Variants in GRIK1 observed in about 807,000 individuals in gnomAD.
The protein encoded by GRIK1 is glutamate receptor ionotropic, kainate 1.
In GRIK1, 69 loss-of-function variants were observed where a neutral mutation model predicts 105.7. That is an observed-to-expected ratio of 0.65 (90% CI 0.54 to 0.80). The LOEUF is 0.80. GRIK1 is among the 30% of genes least tolerant of loss of function. The probability of loss-of-function intolerance (pLI) is 0.00; values close to 1 mark genes in which losing one functional copy is unlikely to be tolerated. For missense variants in GRIK1, 1,109 were observed against 1,167.3 expected (o/e 0.95, Z 0.73); for synonymous variants, 438 against 431.3 (o/e 1.02, Z -0.19).
At chr21:29,776,149 T>A (rs984768543) in intron 1 of GRIK1, among the ~76,000 whole-genome samples, 2 of 152,222 alleles carry the variant, frequency 1.3e-5, no homozygotes, top group African/African-American at 4.8e-5. Context: ...ATTGCCTCAA[T>A]GATTCAATTA....
chr21:29,761,445 G>A (rs139964034), intron 1 of GRIK1: 4 of 152,190 alleles, frequency 2.6e-5, no homozygotes, highest in African/African-American at 9.6e-5. Flanking sequence ...CTGCCATTTA[G>A]CTTAAGTAGA....
chr21:29,754,405 C>T (rs1243741853), intron 1 of GRIK1, among the ~76,000 whole-genome samples: 1 of 152,164 alleles, frequency 6.6e-6, no homozygotes, highest in East Asian at 1.9e-4. Context: ...ATAGAAAATG[C>T]ATGTAAAACA....
At chr21:29,900,352 G>A (rs189849326) in intron 1 of GRIK1, among the ~76,000 whole-genome samples, 83 of 151,142 alleles carry the variant, frequency 5.5e-4, no homozygotes, top group African/African-American at 1.8e-3. Context: ...TGGATAAACA[G>A]TCAAGACCCA....
intron 1 of GRIK1, among the ~76,000 whole-genome samples, chr21:29,710,443 C>G (rs1243601577): frequency 1.3e-5 from 2 of 151,936 alleles, no homozygotes; most frequent in Non-Finnish European, 2.9e-5. Context: ...TTCCATTCAG[C>G]TTAAAAAAAC....
chr21:29,581,544 C>T lies in GRIK1; in HGVS notation c.1794-1G>A. Reference sequence around the variant, plus strand: ...GTTATACCACTCGTAGGGTGTAAACCTGTGGTAGTTAACAGAAACAGTCTG... The same window carrying T: ...GTTATACCACTCGTAGGGTGTAAACTTGTGGTAGTTAACAGAAACAGTCTG... On this transcript the variant is annotated splice_acceptor_variant, in intron 12 of 17. Coordinates refer to ENST00000327783, the MANE Select transcript of GRIK1 (RefSeq NM_001330994.2). LOFTEE classifies it high-confidence loss of function. 6.5e-7 allele frequency: 1 copy of T among 1,542,406 alleles called. No homozygotes were observed. Among genetic ancestry groups the T allele is most frequent in the Non-Finnish European group, 9.0e-7 (1 of 1,115,350 alleles).
intron 15 of GRIK1, among the ~76,000 whole-genome samples, chr21:29,560,854 T>G (rs1284117339): frequency 1.3e-5 from 2 of 151,980 alleles, no homozygotes; most frequent in Admixed American, 1.3e-4. Flanking sequence ...CCTGCCTTGG[T>G]CTGCCAAAGT....
chr21:29,905,658 G>A (rs1012837746), intron 1 of GRIK1, among the ~76,000 whole-genome samples: 1 of 111,182 alleles, frequency 9.0e-6, no homozygotes, highest in Non-Finnish European at 1.7e-5. Context: ...ACGGAGTCTC[G>A]CTCTGTCGCC....
Position 29,541,573 on chromosome 21 carries a change from G to GTTTTTTTTTTTTTT in GRIK1, c.2608-3690_2608-3689insAAAAAAAAAAAAAA, listed in dbSNP as rs1202014711. ...CTCTATGCCATTCATTGCACTCACG[G>GTTTTTTTTTTTTTT]TCTTTTTTTTTTTTTTTTTTTTTGT... On this transcript the variant is annotated intron_variant, in intron 16 of 17. Transcript: ENST00000327783. Among the ~76,000 whole-genome samples the GTTTTTTTTTTTTTT allele has an allele frequency of 1.4e-4, 12 of 83,736 alleles. 1 individual carries two copies. The highest frequency in any genetic ancestry group is 8.7e-4 in the African/African-American group (12 of 13,720). 54.9% of individuals were successfully genotyped at this position (83,736 alleles called of 152,430 possible).
intron 1 of GRIK1, among the ~76,000 whole-genome samples, chr21:29,791,329 A>G (rs2066407574): frequency 6.6e-6 from 1 of 152,126 alleles, no homozygotes; most frequent in African/African-American, 2.4e-5. Context: ...AGGAAAAAAA[A>G]AGGAGGGAAA....
rs1238606730 is a variant in GRIK1, at chr21:29,894,084, G to A, written c.118+45299C>T. ...GAGGAATAGTGAGAGGTAGGGCTGG[G>A]TAGTCACAAAGTGGATTGATGAAGA... On this transcript the variant is annotated intron_variant, in intron 1 of 17. Transcript: ENST00000327783. 2.6e-5 allele frequency among the ~76,000 whole-genome samples: 4 copies of A among 152,276 alleles called. No individual in the cohort carries two copies. The East Asian group carries it at 7.7e-4, about 29-fold the overall frequency.
chr21:29,863,701 T>C (rs2068718294), intron 1 of GRIK1, among the ~76,000 whole-genome samples: 1 of 152,194 alleles, frequency 6.6e-6, no homozygotes, highest in Non-Finnish European at 1.5e-5. Context: ...GCCATGAGTA[T>C]TTTCATGATT....
At chr21:29,816,676 A>T (rs1267066238) in intron 1 of GRIK1, among the ~76,000 whole-genome samples, 1 of 152,132 alleles carries the variant, frequency 6.6e-6, no homozygotes, top group African/African-American at 2.4e-5. Flanking sequence ...TATGTTAAGT[A>T]AAATAAGCCA....
rs147671262 is a variant in GRIK1, at chr21:29,809,637, C to G, written c.119-115574G>C. 1.1e-4 allele frequency among the ~76,000 whole-genome samples: 17 copies of G among 152,274 alleles called. No individual in the cohort carries two copies. In the East Asian group the frequency reaches 3.3e-3, roughly 29 times the overall value. ...TCATTTGTGTGTTCACTGGGGTAGCCCTTTTCACTTCCATCACGAACTTTT... is the reference window on the plus strand; with the variant it reads ...TCATTTGTGTGTTCACTGGGGTAGCGCTTTTCACTTCCATCACGAACTTTT... On this transcript the variant is annotated intron_variant, in intron 1 of 17. Coordinates refer to ENST00000327783, the MANE Select transcript of GRIK1 (RefSeq NM_001330994.2).
chr21:29,733,875 T>C (rs887321052), intron 1 of GRIK1, among the ~76,000 whole-genome samples: 7 of 152,158 alleles, frequency 4.6e-5, no homozygotes, highest in African/African-American at 7.2e-5. Context: ...TTTTAGTATA[T>C]GGATATAGTA....
At chr21:29,734,373 TTTC>T (rs2064720041) in intron 1 of GRIK1, among the ~76,000 whole-genome samples, 1 of 43,340 alleles carries the variant, frequency 2.3e-5, no homozygotes, top group Admixed American at 3.1e-4. Context: ...TTTCTTTTCT[TTTC>T]TTTTCTTTTC....
intron 4 of GRIK1, among the ~76,000 whole-genome samples, chr21:29,658,805 G>T (rs1401108449): frequency 6.6e-6 from 1 of 152,178 alleles, no homozygotes; most frequent in African/African-American, 2.4e-5. Context: ...TTGGGCTTGG[G>T]TGGGGGTATG....
chr21:29,810,084 G>A (rs999837579), intron 1 of GRIK1, among the ~76,000 whole-genome samples: 2 of 152,090 alleles, frequency 1.3e-5, no homozygotes, highest in African/African-American at 4.8e-5. Context: ...GATCACTTGA[G>A]GTCAGGAGTT....
intron 6 of GRIK1, among the ~76,000 whole-genome samples, chr21:29,645,181 G>T (rs745419765): frequency 3.3e-5 from 5 of 152,072 alleles, no homozygotes; most frequent in Non-Finnish European, 7.4e-5. Context: ...TTTGAAATAG[G>T]TATACAGACA....
chr21:29,591,466 G>A (rs1332581525), intron 9 of GRIK1, among the ~76,000 whole-genome samples: 1 of 151,992 alleles, frequency 6.6e-6, no homozygotes, highest in Non-Finnish European at 1.5e-5. Flanking sequence ...TTTTCATTTA[G>A]TAAACTCATT....
Sources: allele counts gnomAD v4.1 joint callset (sites outside exome capture counted in the v4.1 genomes callset), GRCh38; gene constraint gnomAD v4.1.1; transcripts MANE v1.5; gene names NCBI Gene and HGNC (gene_info 2026-07-23, HGNC 2026-07-21).